COL20A1: variants seen among roughly 807,000 people sequenced by gnomAD.
The protein encoded by COL20A1 is collagen type XX alpha 1 chain.
In COL20A1, 164 loss-of-function variants were observed where a neutral mutation model predicts 152.9. The observed-to-expected ratio is 1.07, with a 90% CI of 0.94 to 1.22. The LOEUF is 1.22. Among genes scored for constraint, COL20A1 ranks in the 50% most tolerant of loss-of-function variants. The pLI, the probability that COL20A1 is intolerant of heterozygous loss-of-function variation, is 0.00. For synonymous variants in COL20A1, 864 were observed against 756.0 expected (o/e 1.14, Z -2.34); for missense variants, 1,873 against 1,744.8 (o/e 1.07, Z -1.31).
At chr20:63,298,065 C>A in intron 3 of COL20A1, 45 bp downstream of exon 3, 1 of 1,383,068 alleles carries the variant, frequency 7.2e-7, no homozygotes, top group Non-Finnish European at 1.0e-6. Flanking sequence ...TTAGCACGTG[C>A]CGAGGACAGT....
rs201122273 is a variant in COL20A1, at chr20:63,309,744, C to T, written c.1106-14C>T. 9.7e-4 allele frequency: 1,508 copies of T among 1,548,600 alleles called. 14 individuals carry two copies. In the African/African-American group the frequency reaches 0.018, roughly 19 times the overall value. ...GCAGTGACCACCTGCCCCCCACTCC[C>T]GCTACTCCAGCAGCAGCGGCTCCAG... On this transcript the variant is annotated splice_polypyrimidine_tract_variant and intron_variant, in intron 9 of 35. Coordinates refer to ENST00000358894, the MANE Select transcript of COL20A1 (RefSeq NM_020882.4).
intron 7 of COL20A1, 71 bp from the exon 8 acceptor site, chr20:63,308,471 G>C: frequency 1.4e-6 from 2 of 1,384,430 alleles, no homozygotes; most frequent in Non-Finnish European, 1.9e-6. Flanking sequence ...TCTGCTGTCC[G>C]GTTGCTGCCA....
chr20:63,327,545 G>C, intron 31 of COL20A1: 1 of 211,668 alleles, frequency 4.7e-6, no homozygotes. Flanking sequence ...TGGGCTCCAG[G>C]TTCACCAAGG....
chr20:63,308,772 G>A, intron 8 of COL20A1, 66 bp downstream of exon 8: 3 of 1,410,240 alleles, frequency 2.1e-6, no homozygotes, highest in South Asian at 1.4e-5. Flanking sequence ...GTCGCAGCAG[G>A]GAGCTTGCAT....
rs115782548 is a variant in COL20A1, at chr20:63,321,033, C to G, written c.3174C>G (p.Pro1058=). ...LPASRDGETC[P]AFVSACSCSS... is the part of the protein sequence containing the mutation. ...TCCAGAGGGATGGAGAGACCTGCCC[C>G]GCCTTCGTGTCTGCCTGTTCCTGTT... Residue 1058 remains proline, a synonymous_variant, in exon 26 of 36, where the codon CCC becomes CCG. Transcript: ENST00000358894. The G allele has an allele frequency of 9.9e-3, 15,751 of 1,594,336 alleles. 1,052 individuals carry two copies. In the African/African-American group the frequency reaches 0.16, roughly 16 times the overall value.
intron 27 of COL20A1, chr20:63,325,199 A>T: frequency 1.5e-6 from 1 of 668,758 alleles, no homozygotes; most frequent in Non-Finnish European, 2.7e-6. Context: ...GCTGGCTGTG[A>T]CCCAGAGGGG....
At chr20:63,329,291 C>T (rs2068300304) in intron 34 of COL20A1, 5 of 432,410 alleles carry the variant, frequency 1.2e-5, no homozygotes, top group South Asian at 7.0e-5. Context: ...TCAGAATAAA[C>T]GGCCCCCTCT....
In COL20A1 at chr20:63,305,751, C is replaced by G; in HGVS notation, c.338-130C>G. On this transcript the variant is annotated intron_variant, in intron 4 of 35. Coordinates refer to ENST00000358894, the MANE Select transcript of COL20A1 (RefSeq NM_020882.4). The surrounding 1 kb of genome is among the most constrained non-coding windows in gnomAD (Gnocchi z 4.9). Reference sequence around the variant, plus strand: ...AGCAAGGCTGCCTTGCCCCTGACATCTTTGCATGCCTCCCAGGCTCCTGGG... The same window carrying G: ...AGCAAGGCTGCCTTGCCCCTGACATGTTTGCATGCCTCCCAGGCTCCTGGG... 8.9e-7 allele frequency: 1 copy of G among 1,128,266 alleles called. No individual in the cohort carries two copies. The highest frequency in any genetic ancestry group is 1.3e-6 in the Non-Finnish European group (1 of 789,878). 69.9% of individuals were successfully genotyped at this position (1,128,266 alleles called of 1,614,324 possible).
At chr20:63,318,816 C>T (rs1337163730) in intron 21 of COL20A1, among the ~76,000 whole-genome samples, 1 of 152,114 alleles carries the variant, frequency 6.6e-6, no homozygotes, top group Non-Finnish European at 1.5e-5. Context: ...GGCAGGGAGG[C>T]CCCAGTGTGG....
rs1233689374 is a variant in COL20A1, at chr20:63,325,687, G to T, written c.3368G>T (p.Gly1123Val). The T allele has an allele frequency of 1.2e-6, 2 of 1,611,440 alleles. No homozygotes were observed. The highest frequency in any genetic ancestry group is 1.1e-5 in the South Asian group (1 of 90,934). The change falls in exon 29 of 36, where the codon GGC becomes GTC. Residue 1123 changes from glycine to valine, a missense_variant. Coordinates refer to ENST00000358894, the MANE Select transcript of COL20A1 (RefSeq NM_020882.4). ...TCCCAGGGCCACCCCGGCCACCAGG[G>T]CATCCCCGGGAGAGTTGGCCTCCAG... is the stretch of plus-strand genomic sequence containing the variant. The part of the protein sequence containing the change: ...PGLQGHPGHQ[G>V]IPGRVGLQGP...
At chr20:63,317,692 TCC>T (rs1293922062) in intron 21 of COL20A1, among the ~76,000 whole-genome samples, 1 of 151,946 alleles carries the variant, frequency 6.6e-6, no homozygotes, top group Non-Finnish European at 1.5e-5. Flanking sequence ...CGATGACTGT[TCC>T]CCGGCTTCCC....
intron 34 of COL20A1, chr20:63,329,301 T>C (rs2068300471): frequency 2.0e-6 from 1 of 503,900 alleles, no homozygotes; most frequent in Admixed American, 3.5e-5. Flanking sequence ...CGGCCCCCTC[T>C]GCACCCACCT....
At position 63,310,447 on chromosome 20, in the gene COL20A1, G is replaced by T; in HGVS notation, c.1330G>T (p.Val444Phe). Residue 444 changes from valine to phenylalanine, a missense_variant, in exon 11 of 36, where the codon GTC becomes TTC. Transcript: ENST00000358894. ...CCTGGCCTCCCGCACAGAGTACCTG[G>T]TCTCCGTGTTCCCCATCTATGAGGG... The part of the protein sequence containing the change: ...HNLASRTEYL[V>F]SVFPIYEGGV... 1 of 1,609,778 alleles carries T rather than the reference G, an allele frequency of 6.2e-7. No homozygotes were observed. Among genetic ancestry groups the T allele is most frequent in the Middle Eastern group, 1.7e-4 (1 of 6,048 alleles).
At chr20:63,314,598 G>A (rs1479744476) in intron 19 of COL20A1, among the ~76,000 whole-genome samples, 2 of 152,162 alleles carry the variant, frequency 1.3e-5, no homozygotes, top group African/African-American at 4.8e-5. Flanking sequence ...CACGCCCTTG[G>A]GGACGGGGTC....
chr20:63,298,077 A>G, intron 3 of COL20A1, 57 bp downstream of exon 3: 1 of 1,258,526 alleles, frequency 7.9e-7, no homozygotes, highest in Non-Finnish European at 1.1e-6. Context: ...GAGGACAGTC[A>G]GTGTGGTGGC....
In COL20A1 at chr20:63,327,974, A is replaced by G. The variant is rs531075352; in HGVS notation, c.3551A>G (p.Glu1184Gly). The G allele has an allele frequency of 5.6e-6, 9 of 1,606,526 alleles. No homozygotes were observed. The South Asian group carries it at 1.0e-4, about 18-fold the overall frequency. ...CAGGGACTGCCAGGGCCCAAAGGGG[A>G]ACGAGGAGAGAAGGTAAGTGAGGCT... is the stretch of plus-strand genomic sequence containing the variant. ...GPTGLPGPKG[E>G]RGEKGEPQSL... The change falls in exon 32 of 36, where the codon GAA (glutamate) becomes GGA (glycine). Residue 1184 changes from glutamate to glycine, a missense_variant. Physicochemically the swap from Glu to Gly is moderately conservative, Grantham distance 98 (BLOSUM62 -2). Transcript: ENST00000358894.
In COL20A1 at chr20:63,327,955, C is replaced by T. The variant is rs1396514495; in HGVS notation, c.3532C>T (p.Leu1178=). The T allele has an allele frequency of 6.2e-7, 1 of 1,601,014 alleles. No homozygotes were observed. The highest frequency in any genetic ancestry group is 1.7e-5 in the Admixed American group (1 of 58,326). Residue 1178 remains leucine (L), a synonymous_variant, in exon 32 of 36, where the codon CTG becomes TTG. Coordinates refer to ENST00000358894, the MANE Select transcript of COL20A1 (RefSeq NM_020882.4). ...GPPGTVGPTG[L]PGPKGERGEK... ...TTTCTCTTCCCCTCCTCATCAGGGA[C>T]TGCCAGGGCCCAAAGGGGAACGAGG... is the stretch of plus-strand genomic sequence containing the variant.
rs993617353 is a variant in COL20A1 at position 63,315,561 on chromosome 20, C to T, written c.2524+122C>T. 15 of 902,910 alleles carry T rather than the reference C, an allele frequency of 1.7e-5. No individual in the cohort carries two copies. In the East Asian group the frequency reaches 3.1e-4, roughly 18 times the overall value. 55.9% of individuals were successfully genotyped at this position (902,910 alleles called of 1,614,324 possible). On this transcript the variant is annotated intron_variant, in intron 20 of 35. Transcript: ENST00000358894. ...GTGGTGCAGTTGGAGGATGTTTGGG[C>T]GGGTTTGTGCCTCCACAGACGTCCC...
At chr20:63,308,845 G>C in intron 8 of COL20A1, 139 bp downstream of exon 8, 1 of 769,550 alleles carries the variant, frequency 1.3e-6, no homozygotes, top group Non-Finnish European at 2.0e-6. Flanking sequence ...CGCAGAGCCA[G>C]GCACCGCCTG....
Sources: gnomAD v4.1 joint callset for allele counts (sites outside exome capture counted in the v4.1 genomes callset) on GRCh38, gnomAD v4.1.1 for gene constraint, Gnocchi (gnomAD v3.1) non-coding constraint, MANE v1.5 for transcripts, NCBI Gene and HGNC (gene_info 2026-07-23, HGNC 2026-07-21) for gene names.